The following ERP44 variants were observed in gnomAD, a reference collection of about 807,000 sequenced individuals.
The protein encoded by ERP44 is endoplasmic reticulum resident protein 44.
A neutral mutation model predicts 53.4 loss-of-function variants in ERP44; 25 were observed. The observed-to-expected ratio is 0.47, with a 90% CI of 0.34 to 0.65. ERP44 has a LOEUF of 0.65. Ranked by LOEUF, ERP44 falls within the 30% of genes least tolerant of loss-of-function variation. The pLI is 0.01. For synonymous variants in ERP44, 145 were observed against 161.2 expected, an observed-to-expected ratio of 0.90 and a Z score of 0.76; for missense variants, 338 against 493.2, an observed-to-expected ratio of 0.69 and a Z score of 2.98.
chr9:100,019,975 T>A, intron 6 of ERP44, among the ~76,000 whole-genome samples: 1 of 150,334 alleles, frequency 6.7e-6, no homozygotes, highest in African/African-American at 2.5e-5. Flanking sequence ...TTGAAAAAAA[T>A]AAAAAGAAAA....
At chr9:100,073,274 T>TA (rs1436272445) in intron 1 of ERP44, among the ~76,000 whole-genome samples, 4 of 152,166 alleles carry the variant, frequency 2.6e-5, no homozygotes, top group Admixed American at 6.5e-5. Flanking sequence ...AAGTTTTTTT[T>TA]AAAAAAACTA....
At chr9:99,983,551 CAAAAAAAAAA>C (rs59132233) in intron 11 of ERP44, among the ~76,000 whole-genome samples, 2 of 66,974 alleles carry the variant, frequency 3.0e-5, no homozygotes, top group African/African-American at 6.8e-5. Context: ...GACTCCGTCT[CAAAAAAAAAA>C]AAAAAAAAAA....
intron 10 of ERP44, among the ~76,000 whole-genome samples, chr9:99,993,764 C>T (rs1362348914): frequency 6.6e-6 from 1 of 152,182 alleles, no homozygotes; most frequent in Non-Finnish European, 1.5e-5. Context: ...ATCTACCCAT[C>T]TGACAAAGGG....
intron 1 of ERP44, among the ~76,000 whole-genome samples, chr9:100,069,242 A>G (rs1259234400): frequency 1.3e-5 from 2 of 151,302 alleles, no homozygotes; most frequent in Admixed American, 1.3e-4. Flanking sequence ...TTGTCCTATG[A>G]CCCTGCCAAA....
intron 8 of ERP44, among the ~76,000 whole-genome samples, chr9:100,008,370 A>G (rs1478910156): frequency 6.6e-6 from 1 of 152,230 alleles, no homozygotes; most frequent in Non-Finnish European, 1.5e-5. Flanking sequence ...AAGTGCTATT[A>G]AAATTTTTAT....
intron 4 of ERP44, among the ~76,000 whole-genome samples, chr9:100,029,419 T>A (rs1262991136): frequency 1.3e-5 from 2 of 152,042 alleles, no homozygotes; most frequent in African/African-American, 4.8e-5. Context: ...TGAAAAAAAA[T>A]TGTCAGTTTC....
At chr9:99,993,879 A>AT in intron 10 of ERP44, among the ~76,000 whole-genome samples, 1 of 152,366 alleles carries the variant, frequency 6.6e-6, no homozygotes, top group East Asian at 1.9e-4. Flanking sequence ...GAAGGTATTT[A>AT]TGCAGCCAAC....
At chr9:99,990,723 T>C (rs1215253774) in intron 10 of ERP44, among the ~76,000 whole-genome samples, 1 of 151,920 alleles carries the variant, frequency 6.6e-6, no homozygotes, top group Non-Finnish European at 1.5e-5. Flanking sequence ...GACTGGCAAA[T>C]TGGATAAAGA....
Position 100,022,224 on chromosome 9 carries a change from C to G in ERP44, c.289G>C (p.Asp97His). The G allele has an allele frequency of 6.2e-7, 1 of 1,603,364 alleles. No homozygotes were observed. The highest frequency in any genetic ancestry group is 8.5e-7 in the Non-Finnish European group (1 of 1,175,706). ...CTTATCCTGTATCTCTGGGCTATGT[C>G]AGCTAAAAGAATGAAAAAAAATTAT... ...FARVDCDQHS[D>H]IAQRYRISKY... The change falls in exon 5 of 12, where the codon GAC (aspartate) becomes CAC (histidine). Residue 97 changes from aspartate to histidine, a missense_variant and splice_region_variant. Asp to His is a moderately conservative substitution (Grantham distance 81). This residue lies in a region of ERP44 where 224 missense variants were observed against 301.4 expected (regional missense o/e 0.74). Transcript: ENST00000262455.
At chr9:99,988,516 T>G (rs557005472) in intron 10 of ERP44, among the ~76,000 whole-genome samples, 1 of 152,214 alleles carries the variant, frequency 6.6e-6, no homozygotes, top group African/African-American at 2.4e-5. Context: ...CTTTCTCCAC[T>G]GAATTGCCTT....
Position 100,098,882 on chromosome 9 carries a change from G to A in ERP44, c.-42C>T, listed in dbSNP as rs573678325. The A allele has an allele frequency of 2.5e-6, 4 of 1,575,632 alleles. No individual in the cohort carries two copies. In the African/African-American group the frequency reaches 4.0e-5, roughly 16 times the overall value. Reference sequence around the variant, plus strand: ...GTGACAGGGACAGGCGCTGGCGGCTGGGACTGGGCTAGGTTGGGTTGGGTT... The same window carrying A: ...GTGACAGGGACAGGCGCTGGCGGCTAGGACTGGGCTAGGTTGGGTTGGGTT... On this transcript the variant is annotated 5_prime_UTR_variant, in exon 1 of 12. Transcript: ENST00000262455.
intron 4 of ERP44, among the ~76,000 whole-genome samples, chr9:100,031,408 A>G (rs1825786409): frequency 6.6e-6 from 1 of 152,236 alleles, no homozygotes; most frequent in Non-Finnish European, 1.5e-5. Flanking sequence ...GAAGAGCAAT[A>G]GAAACTGTCC....
At chr9:100,098,408 T>G (rs560163772) in intron 1 of ERP44, among the ~76,000 whole-genome samples, 1 of 152,240 alleles carries the variant, frequency 6.6e-6, no homozygotes, top group Admixed American at 6.5e-5. Context: ...GACCTCACAC[T>G]CTTCCCAAAT....
At chr9:100,080,253 G>A (rs569481929) in intron 1 of ERP44, among the ~76,000 whole-genome samples, 2 of 152,288 alleles carry the variant, frequency 1.3e-5, no homozygotes, top group South Asian at 4.1e-4. Context: ...ATGACAGAGA[G>A]CTTACAGGAA....
chr9:100,029,465 A>G (rs1207639351), intron 4 of ERP44, among the ~76,000 whole-genome samples: 1 of 152,256 alleles, frequency 6.6e-6, no homozygotes. Flanking sequence ...CGAAACCACA[A>G]TGAGATATCA....
chr9:100,067,415 G>C (rs1439460805), intron 1 of ERP44, among the ~76,000 whole-genome samples: 1 of 152,234 alleles, frequency 6.6e-6, no homozygotes, highest in Non-Finnish European at 1.5e-5. Flanking sequence ...CTGGTCTCCA[G>C]CTCCTAACCG....
At chr9:100,017,420 C>T (rs1351914150) in intron 7 of ERP44, among the ~76,000 whole-genome samples, 2 of 152,180 alleles carry the variant, frequency 1.3e-5, no homozygotes, top group East Asian at 1.9e-4. Flanking sequence ...TGAACAACCA[C>T]ACTACCACTG....
At chr9:100,012,552 TACAA>T (rs1382243962) in intron 8 of ERP44, among the ~76,000 whole-genome samples, 1 of 152,162 alleles carries the variant, frequency 6.6e-6, no homozygotes, top group Non-Finnish European at 1.5e-5. Flanking sequence ...GAGAATCTCA[TACAA>T]ACATTCATAC....
intron 11 of ERP44, among the ~76,000 whole-genome samples, chr9:99,984,485 G>C (rs1010537183): frequency 2.6e-5 from 4 of 152,128 alleles, no homozygotes; most frequent in African/African-American, 9.7e-5. Flanking sequence ...AAATGGGAAA[G>C]CTGCATTAAA....
Sources: allele counts gnomAD v4.1 joint callset (sites outside exome capture counted in the v4.1 genomes callset), GRCh38; gene constraint gnomAD v4.1.1; regional missense constraint gnomAD v4.1.1; transcripts MANE v1.5; gene names NCBI Gene and HGNC (gene_info 2026-07-23, HGNC 2026-07-21).